Variants in ENOX1 observed in about 807,000 individuals in gnomAD.
ENOX1 encodes the protein ecto-NOX disulfide-thiol exchanger 1, also known as candidate growth-related and time keeping constitutive hydroquinone (NADH) oxidase.
In ENOX1, 42 loss-of-function variants were observed where a neutral mutation model predicts 82.5. That is an observed-to-expected ratio of 0.51 (90% CI 0.40 to 0.66). ENOX1 has a LOEUF of 0.66. Ranked by LOEUF, ENOX1 falls within the 30% of genes least tolerant of loss-of-function variation. The probability of loss-of-function intolerance (pLI) is 0.00; values close to 1 mark genes in which losing one functional copy is unlikely to be tolerated. For missense variants in ENOX1, 608 were observed against 811.6 expected (o/e 0.75, Z 3.05); for synonymous variants, 271 against 282.2 (o/e 0.96, Z 0.40).
At chr13:43,594,548 C>G (rs78235548) in intron 2 of ENOX1, among the ~76,000 whole-genome samples, 6 of 152,154 alleles carry the variant, frequency 3.9e-5, no homozygotes, top group African/African-American at 9.7e-5. Context: ...AAGTAACTAT[C>G]TTTGGTTTAT....
chr13:43,222,336 A>G (rs2041832050), intron 16 of ENOX1, among the ~76,000 whole-genome samples: 1 of 151,458 alleles, frequency 6.6e-6, no homozygotes, highest in Non-Finnish European at 1.5e-5. Flanking sequence ...AAAACAAATC[A>G]ATTCATTACT....
intron 14 of ENOX1, among the ~76,000 whole-genome samples, chr13:43,265,076 C>T (rs556580298): frequency 1.3e-5 from 2 of 152,340 alleles, no homozygotes; most frequent in African/African-American, 4.8e-5. Flanking sequence ...CAACTGATTA[C>T]CCTGTCGGGT....
intron 2 of ENOX1, among the ~76,000 whole-genome samples, chr13:43,538,828 CG>C (rs56810986): frequency 0.92 from 139,303 of 151,890 alleles, 63,931 homozygotes; most frequent in East Asian, 1. Flanking sequence ...CTTTCCTCCC[CG>C]CCCCTGCCCT....
At position 43,718,625 on chromosome 13, in the gene ENOX1, C is replaced by T. The variant is rs185396148; in HGVS notation, c.-284-51081G>A. On this transcript the variant is annotated intron_variant, in intron 1 of 16. Transcript: ENST00000690772. ...CCAGGAGGCGGAGCTTGCAGTGAGC[C>T]AAGATAGTGCCACTGCACTCCAGCC... Among the ~76,000 whole-genome samples the T allele has an allele frequency of 4.8e-5, 6 of 123,962 alleles. No individual in the cohort carries two copies. The East Asian group carries it at 7.2e-4, about 15-fold the overall frequency. 81.3% of individuals were successfully genotyped at this position (123,962 alleles called of 152,430 possible). A position where few individuals can be genotyped will look rare whatever the true frequency, so the allele number is the denominator to read the frequency against.
chr13:43,633,552 A>G (rs1344779994), intron 2 of ENOX1, among the ~76,000 whole-genome samples: 1 of 152,144 alleles, frequency 6.6e-6, no homozygotes, highest in African/African-American at 2.4e-5. Flanking sequence ...GGAATGTTGT[A>G]GAGCTATTAA....
chr13:43,591,874 A>G (rs1212120939), intron 2 of ENOX1, among the ~76,000 whole-genome samples: 1 of 152,104 alleles, frequency 6.6e-6, no homozygotes, highest in East Asian at 1.9e-4. Context: ...AACTTTTCCC[A>G]TGGAAACTTT....
At chr13:43,614,382 T>A (rs1427758508) in intron 2 of ENOX1, among the ~76,000 whole-genome samples, 1 of 152,114 alleles carries the variant, frequency 6.6e-6, no homozygotes, top group Non-Finnish European at 1.5e-5. Flanking sequence ...GTTACCCCTA[T>A]CTGTGTGATC....
intron 12 of ENOX1, among the ~76,000 whole-genome samples, chr13:43,288,380 T>C (rs2045820397): frequency 6.6e-6 from 1 of 152,188 alleles, no homozygotes; most frequent in African/African-American, 2.4e-5. Context: ...AGAAAGAAAC[T>C]TAATCTGGGT....
chr13:43,532,826 A>G (rs1318254923), intron 2 of ENOX1, among the ~76,000 whole-genome samples: 1 of 151,706 alleles, frequency 6.6e-6, no homozygotes, highest in East Asian at 1.9e-4. Flanking sequence ...ATATTTTTAA[A>G]GAGTATCTTA....
chr13:43,681,600 CTA>C (rs2085786619), intron 1 of ENOX1, among the ~76,000 whole-genome samples: 2 of 148,948 alleles, frequency 1.3e-5, no homozygotes, highest in South Asian at 4.2e-4. Context: ...TTAGATTTCT[CTA>C]TGTTTGGGTA....
intron 6 of ENOX1, among the ~76,000 whole-genome samples, chr13:43,360,711 CAA>C (rs36107926): frequency 2.8e-5 from 4 of 140,900 alleles, no homozygotes; most frequent in Non-Finnish European, 3.1e-5. Flanking sequence ...ATATGAATGA[CAA>C]AAAAAAAAAA....
chr13:43,711,435 C>T (rs1343389103), intron 1 of ENOX1, among the ~76,000 whole-genome samples: 3 of 152,016 alleles, frequency 2.0e-5, no homozygotes, highest in Non-Finnish European at 2.9e-5. Context: ...GGTATATACC[C>T]AGTAATGGGA....
At chr13:43,668,516 T>C (rs913439230) in intron 1 of ENOX1, among the ~76,000 whole-genome samples, 3 of 152,210 alleles carry the variant, frequency 2.0e-5, no homozygotes, top group African/African-American at 7.2e-5. Context: ...TGTAGACTAA[T>C]TGTAAACAGA....
Position 43,234,976 on chromosome 13 carries a change from G to A in ENOX1, c.1714+1660C>T, listed in dbSNP as rs566197450. Among the ~76,000 whole-genome samples the A allele has an allele frequency of 3.9e-5, 6 of 152,246 alleles. No individual in the cohort carries two copies. In the South Asian group the frequency reaches 6.2e-4, roughly 16 times the overall value. ...GTTCCCATTTTTTTAACCTTCAAGT[G>A]GACAGAATTCTTCCTACTTAAAGAG... is the stretch of plus-strand genomic sequence containing the variant. On this transcript the variant is annotated intron_variant, in intron 15 of 16. Coordinates refer to ENST00000690772, the MANE Select transcript of ENOX1 (RefSeq NM_001347969.2).
chr13:43,216,475 G>T (rs2153448414), intron 16 of ENOX1, among the ~76,000 whole-genome samples: 2 of 152,280 alleles, frequency 1.3e-5, no homozygotes, highest in South Asian at 4.1e-4. Context: ...AGTACGGAGT[G>T]GTATGTGGTC....
At chr13:43,347,946 C>T (rs2049499302) in intron 8 of ENOX1, among the ~76,000 whole-genome samples, 1 of 152,216 alleles carries the variant, frequency 6.6e-6, no homozygotes, top group Non-Finnish European at 1.5e-5. Flanking sequence ...GTTTTCTAAT[C>T]AGGTCCTCAC....
chr13:43,354,954 C>T (rs2050057577), intron 8 of ENOX1, among the ~76,000 whole-genome samples: 1 of 152,150 alleles, frequency 6.6e-6, no homozygotes, highest in African/African-American at 2.4e-5. Flanking sequence ...TTGCACTGGC[C>T]CCTGAGTCCC....
intron 5 of ENOX1, among the ~76,000 whole-genome samples, chr13:43,381,643 C>A (rs370196138): frequency 6.6e-5 from 10 of 151,776 alleles, no homozygotes; most frequent in African/African-American, 2.4e-4. Context: ...CAGCCTTAGG[C>A]AGGAAAGCAG....
At chr13:43,648,366 G>A (rs894696178) in intron 2 of ENOX1, among the ~76,000 whole-genome samples, 11 of 152,152 alleles carry the variant, frequency 7.2e-5, no homozygotes, top group South Asian at 2.1e-4. Context: ...CTGCAACCAC[G>A]CAGCTTACAA....
Sources: gnomAD v4.1 joint callset for allele counts (sites outside exome capture counted in the v4.1 genomes callset) on GRCh38, gnomAD v4.1.1 for gene constraint, MANE v1.5 for transcripts, NCBI Gene and HGNC (gene_info 2026-07-23, HGNC 2026-07-21) for gene names.